SCAMP5: variants seen among roughly 807,000 people sequenced by gnomAD.
SCAMP5 encodes secretory carrier membrane protein 5.
In SCAMP5, 7 loss-of-function variants were observed where a neutral mutation model predicts 28.3. The ratio of observed to expected loss-of-function variants is 0.25; its 90% CI spans 0.14 to 0.46. SCAMP5 has a LOEUF of 0.46. Among genes scored for constraint, SCAMP5 ranks in the 20% least tolerant of loss-of-function variants. The pLI is 0.99. For missense variants in SCAMP5, 192 were observed against 312.5 expected (o/e 0.61, Z 2.91); for synonymous variants, 117 against 116.4 (o/e 1.00, Z -0.03).
intron 1 of SCAMP5, among the ~76,000 whole-genome samples, chr15:75,010,425 T>C (rs2065800624): frequency 6.6e-6 from 1 of 152,150 alleles, no homozygotes; most frequent in African/African-American, 2.4e-5. Flanking sequence ...CCCTTCAAAC[T>C]TGTCTCCTAA....
chr15:75,019,485 G>T lies in SCAMP5; in HGVS notation c.*502G>T. 1 of 151,876 alleles carries T rather than the reference G, an allele frequency of 6.6e-6. No homozygotes were observed. 9.4% of individuals were successfully genotyped at this position (151,876 alleles called of 1,614,324 possible). ...GTAACAGTACTTAGCACTCTTGGTG[G>T]TGGGTGGGAGGGTGGGTACAGGCCA... On this transcript the variant is annotated 3_prime_UTR_variant, in exon 7 of 7. Transcript: ENST00000425597.
At chr15:74,997,002 G>A (rs1265775611) in intron 1 of SCAMP5, among the ~76,000 whole-genome samples, 3 of 152,078 alleles carry the variant, frequency 2.0e-5, no homozygotes, top group Non-Finnish European at 4.4e-5. Flanking sequence ...TTCTTTAACC[G>A]TTTCCTGAGT....
intron 1 of SCAMP5, among the ~76,000 whole-genome samples, chr15:75,010,877 C>G (rs2141444515): frequency 6.6e-6 from 1 of 152,266 alleles, no homozygotes; most frequent in Admixed American, 6.5e-5. Context: ...GGGAACTCCT[C>G]TTCATGCTTC....
intron 1 of SCAMP5, among the ~76,000 whole-genome samples, chr15:75,007,426 C>T (rs1398189994): frequency 2.0e-5 from 3 of 152,068 alleles, no homozygotes; most frequent in Non-Finnish European, 2.9e-5. Flanking sequence ...CTTGCTCTGC[C>T]GCCCGGGCTG....
chr15:75,005,396 G>A (rs1353857345), intron 1 of SCAMP5, among the ~76,000 whole-genome samples: 2 of 151,390 alleles, frequency 1.3e-5, no homozygotes, highest in Admixed American at 6.6e-5. Context: ...GGAGGCGGAG[G>A]TTGCGGCGAG....
intron 1 of SCAMP5, among the ~76,000 whole-genome samples, chr15:74,999,268 T>C (rs1383233167): frequency 6.6e-6 from 1 of 152,244 alleles, no homozygotes; most frequent in Non-Finnish European, 1.5e-5. Context: ...GCCTCTTCCG[T>C]GTTCTTTCTG....
intron 3 of SCAMP5, chr15:75,013,150 G>A (rs1370585252): frequency 8.6e-6 from 2 of 232,326 alleles, no homozygotes; most frequent in African/African-American, 4.6e-5. Context: ...AACTTTCCAG[G>A]GAACCTCTGG....
In SCAMP5 at chr15:75,001,205, C is replaced by T. The variant is rs531512966; in HGVS notation, c.-49+5532C>T. On this transcript the variant is annotated intron_variant, in intron 1 of 6. Transcript: ENST00000425597. Reference sequence around the variant, plus strand: ...GGGAGAATGGCGTGAACCCGGGAGGCGGAGCTTGCAAGTGAGCCGAGATCG... The same window carrying T: ...GGGAGAATGGCGTGAACCCGGGAGGTGGAGCTTGCAAGTGAGCCGAGATCG... Among the ~76,000 whole-genome samples, 12 of 135,968 alleles carry T rather than the reference C, an allele frequency of 8.8e-5. No individual in the cohort carries two copies. In the East Asian group the frequency reaches 1.9e-3, roughly 21 times the overall value. 89.2% of individuals were successfully genotyped at this position (135,968 alleles called of 152,430 possible).
chr15:75,016,898 A>G lies in SCAMP5; in HGVS notation c.293+149A>G, dbSNP rs2065864919. 8 of 734,108 alleles carry G rather than the reference A, an allele frequency of 1.1e-5. No homozygotes were observed. In the South Asian group the frequency reaches 1.4e-4, roughly 13 times the overall value. 45.5% of individuals were successfully genotyped at this position (734,108 alleles called of 1,614,324 possible). A position where few individuals can be genotyped will look rare whatever the true frequency, so the allele number is the denominator to read the frequency against. ...TCACCTTTGGCTCAGATTGCTAGGT[A>G]GGGCCTGGGCTTTCTGGGGGTGCCA... On this transcript the variant is annotated intron_variant, in intron 4 of 6. Transcript: ENST00000425597.
In SCAMP5 at chr15:75,002,717, C is replaced by T. The variant is rs576955295; in HGVS notation, c.-49+7044C>T. Among the ~76,000 whole-genome samples, 3 of 151,798 alleles carry T rather than the reference C, an allele frequency of 2.0e-5. No individual in the cohort carries two copies. The East Asian group carries it at 5.8e-4, about 30-fold the overall frequency. On this transcript the variant is annotated intron_variant, in intron 1 of 6. Coordinates refer to ENST00000425597, the MANE Select transcript of SCAMP5 (RefSeq NM_138967.4). ...CATCAGCTGCTCCTTCTCATTCTTC[C>T]CCAACTATCCTATTCTGCTTGCCTT...
At chr15:74,999,730 A>T (rs2065685472) in intron 1 of SCAMP5, among the ~76,000 whole-genome samples, 1 of 152,200 alleles carries the variant, frequency 6.6e-6, no homozygotes, top group Non-Finnish European at 1.5e-5. Flanking sequence ...TGAACCCAGG[A>T]GACGGAGGTT....
At chr15:75,012,592 G>A in intron 2 of SCAMP5, 85 bp from the exon 3 acceptor site, 2 of 1,529,870 alleles carry the variant, frequency 1.3e-6, no homozygotes, top group Non-Finnish European at 9.0e-7. Context: ...GGCCAATGGG[G>A]CAGCACAGCC....
rs199781049 is a variant in SCAMP5 at position 75,017,846 on chromosome 15, C to T, written c.294-24C>T. The T allele has an allele frequency of 7.3e-4, 1,125 of 1,547,300 alleles. 21 individuals are homozygous for T. The South Asian group carries it at 0.012, about 16-fold the overall frequency. On this transcript the variant is annotated intron_variant, in intron 4 of 6. Transcript: ENST00000425597. ...AAGCCCTGGCCCTCTGCCCAGGTGACGGGAGCCACCTCCTCTGCCGCAGGA... is the reference window on the plus strand; with the variant it reads ...AAGCCCTGGCCCTCTGCCCAGGTGATGGGAGCCACCTCCTCTGCCGCAGGA...
At chr15:74,997,624 A>G (rs3812944) in intron 1 of SCAMP5, among the ~76,000 whole-genome samples, 131,416 of 152,166 alleles carry the variant, frequency 0.86, 58,440 homozygotes, top group Non-Finnish European at 0.97. Flanking sequence ...AGTGCTGCCA[A>G]TTTAGGGGCA....
At chr15:75,012,876 G>A (rs771871930) in intron 3 of SCAMP5, 71 bp downstream of exon 3, 9 of 1,485,658 alleles carry the variant, frequency 6.1e-6, no homozygotes, top group South Asian at 3.4e-5. Context: ...GCTGGGCAGC[G>A]GGGTGGGGTG....
chr15:75,019,033 C>T lies in SCAMP5; in HGVS notation c.*50C>T, dbSNP rs749136915. The stretch of plus-strand genomic sequence containing the variant: ...GAGCTGGGGCCATTGGGACAGGGGG[C>T]TCAAGCCACATCGTCATTTGTGGTT... On this transcript the variant is annotated 3_prime_UTR_variant, in exon 7 of 7. Coordinates refer to ENST00000425597, the MANE Select transcript of SCAMP5 (RefSeq NM_138967.4). 26 of 1,303,512 alleles carry T rather than the reference C, an allele frequency of 2.0e-5. No homozygotes were observed. Among genetic ancestry groups the T allele is most frequent in the Non-Finnish European group, 2.7e-5 (26 of 963,308 alleles). 80.7% of individuals were successfully genotyped at this position (1,303,512 alleles called of 1,614,324 possible). A position where few individuals can be genotyped will look rare whatever the true frequency, so the allele number is the denominator to read the frequency against.
At chr15:75,006,768 C>T (rs1353239585) in intron 1 of SCAMP5, among the ~76,000 whole-genome samples, 3 of 141,104 alleles carry the variant, frequency 2.1e-5, no homozygotes, top group Non-Finnish European at 4.5e-5. Flanking sequence ...GAGCGAGACT[C>T]CATCTCAAAA....
rs2065824111 is a variant in SCAMP5, at chr15:75,012,796, C to T, written c.127C>T (p.Leu43Phe). ...CAGCATGACCAAGCGCCTCTACTACCTCTGGATGTGTGAGTGCCATGGGAT... is the reference window on the plus strand; with the variant it reads ...CAGCATGACCAAGCGCCTCTACTACTTCTGGATGTGTGAGTGCCATGGGAT... The part of the protein sequence containing the change: ...HVSMTKRLYY[L>F]WMLNSVTLAV... Residue 43 changes from leucine (L) to phenylalanine (F), a missense_variant, in exon 3 of 7, where the codon CTC becomes TTC. By Grantham distance (22) the Leu-to-Phe change is conservative (BLOSUM62 0). Transcript: ENST00000425597. 10 of 1,613,894 alleles carry T rather than the reference C, an allele frequency of 6.2e-6. No homozygotes were observed. Among genetic ancestry groups the T allele is most frequent in the Non-Finnish European group, 8.5e-6 (10 of 1,179,884 alleles).
chr15:75,015,101 C>T (rs1036470241), intron 3 of SCAMP5, among the ~76,000 whole-genome samples: 1 of 152,130 alleles, frequency 6.6e-6, no homozygotes, highest in African/African-American at 2.4e-5. Context: ...GATTTAAGGG[C>T]TATAAATATC....
Sources: gnomAD v4.1 joint callset for allele counts (sites outside exome capture counted in the v4.1 genomes callset) on GRCh38, gnomAD v4.1.1 for gene constraint, MANE v1.5 for transcripts, NCBI Gene and HGNC (gene_info 2026-07-23, HGNC 2026-07-21) for gene names.